The following AGBL4 variants were observed in gnomAD, a reference collection of about 807,000 sequenced individuals.
AGBL4 encodes the protein cytosolic carboxypeptidase 6.
A neutral mutation model predicts 66.4 loss-of-function variants in AGBL4; 58 were observed. The observed-to-expected ratio is 0.87, with a 90% CI of 0.71 to 1.09. The LOEUF (loss-of-function observed/expected upper bound fraction) is 1.09, where lower values mean the gene tolerates loss of function less well. Ranked by LOEUF, AGBL4 falls within the 50% of genes least tolerant of loss-of-function variation. The pLI is 0.00. For synonymous variants in AGBL4, 234 were observed against 222.9 expected (o/e 1.05, Z -0.44); for missense variants, 579 against 631.0 (o/e 0.92, Z 0.88).
At chr1:49,529,194 A>C (rs1034503001) in intron 3 of AGBL4, among the ~76,000 whole-genome samples, 10 of 152,244 alleles carry the variant, frequency 6.6e-5, no homozygotes, top group South Asian at 4.1e-4. Flanking sequence ...CTGAAATAAG[A>C]CCGTGGTGAT....
intron 4 of AGBL4, among the ~76,000 whole-genome samples, chr1:49,200,064 C>A (rs1647565509): frequency 6.6e-6 from 1 of 152,094 alleles, no homozygotes. Context: ...TTCTGCAGTT[C>A]CTGTGTACTC....
intron 5 of AGBL4, among the ~76,000 whole-genome samples, chr1:49,019,140 G>T (rs1419278490): frequency 6.6e-6 from 1 of 152,184 alleles, no homozygotes; most frequent in African/African-American, 2.4e-5. Flanking sequence ...AGTTCTCTGT[G>T]CCTGAAAGAG....
chr1:49,410,357 A>G (rs1038231745), intron 3 of AGBL4, among the ~76,000 whole-genome samples: 1 of 152,138 alleles, frequency 6.6e-6, no homozygotes, highest in Non-Finnish European at 1.5e-5. Flanking sequence ...AGTTTTAAAA[A>G]CCAACTACTG....
chr1:49,400,037 G>A (rs979888435), intron 3 of AGBL4, among the ~76,000 whole-genome samples: 3 of 151,986 alleles, frequency 2.0e-5, no homozygotes, highest in Non-Finnish European at 4.4e-5. Flanking sequence ...TGAAGCATAG[G>A]TCACCATATA....
At chr1:48,763,887 C>T (rs1557964481) in intron 6 of AGBL4, among the ~76,000 whole-genome samples, 1 of 152,164 alleles carries the variant, frequency 6.6e-6, no homozygotes. Flanking sequence ...TGAACAGGGT[C>T]CCCATCCTGG....
chr1:48,728,547 G>C (rs1467297856), intron 6 of AGBL4, among the ~76,000 whole-genome samples: 4 of 148,506 alleles, frequency 2.7e-5, no homozygotes, highest in African/African-American at 5.0e-5. Context: ...TACATTTGTA[G>C]GTCATTCATT....
chr1:49,782,211 A>T (rs554803316), intron 2 of AGBL4, among the ~76,000 whole-genome samples: 1 of 152,124 alleles, frequency 6.6e-6, no homozygotes, highest in South Asian at 2.1e-4. Context: ...AAAAACCAAA[A>T]ACTTTAGCTA....
At chr1:48,917,575 C>G (rs1653696480) in intron 5 of AGBL4, among the ~76,000 whole-genome samples, 1 of 152,184 alleles carries the variant, frequency 6.6e-6, no homozygotes, top group Admixed American at 6.5e-5. Flanking sequence ...TAAAAGAACA[C>G]TGTCTCAAAA....
chr1:49,666,033 G>T (rs905700092), intron 3 of AGBL4, among the ~76,000 whole-genome samples: 32 of 147,392 alleles, frequency 2.2e-4, no homozygotes, highest in Non-Finnish European at 4.2e-4. Context: ...TTGCTATGTT[G>T]CCCAGGCTGA....
At chr1:48,889,756 C>G (rs1054075229) in intron 5 of AGBL4, among the ~76,000 whole-genome samples, 2 of 152,198 alleles carry the variant, frequency 1.3e-5, no homozygotes, top group Admixed American at 1.3e-4. Flanking sequence ...AGGGCAAGGA[C>G]TCAAATCTAG....
At chr1:50,009,138 C>A in intron 1 of AGBL4, among the ~76,000 whole-genome samples, 1 of 152,094 alleles carries the variant, frequency 6.6e-6, no homozygotes, top group African/African-American at 2.4e-5. Context: ...TAAACTAATT[C>A]TATGAGGCCA....
chr1:48,999,530 G>A (rs1046175545), intron 5 of AGBL4, among the ~76,000 whole-genome samples: 2 of 152,174 alleles, frequency 1.3e-5, no homozygotes, highest in African/African-American at 4.8e-5. Context: ...ACATCCAGAA[G>A]TGAAAGGAAT....
intron 3 of AGBL4, among the ~76,000 whole-genome samples, chr1:49,396,943 G>C (rs1241118849): frequency 1.3e-5 from 2 of 152,146 alleles, no homozygotes; most frequent in Non-Finnish European, 2.9e-5. Context: ...TTTTTCCGCA[G>C]ACAGTGGGGT....
chr1:49,315,040 G>C (rs1477983710), intron 3 of AGBL4, among the ~76,000 whole-genome samples: 2 of 151,912 alleles, frequency 1.3e-5, no homozygotes, highest in Non-Finnish European at 2.9e-5. Context: ...AACCAGCATG[G>C]TACTGGTACC....
At chr1:48,781,258 G>A (rs868797435) in intron 6 of AGBL4, among the ~76,000 whole-genome samples, 3 of 152,286 alleles carry the variant, frequency 2.0e-5, no homozygotes, top group African/African-American at 4.8e-5. Flanking sequence ...CCACAGAATC[G>A]ATTCTGGAGT....
chr1:49,303,929 T>C (rs1348165436), intron 3 of AGBL4, among the ~76,000 whole-genome samples: 2 of 152,212 alleles, frequency 1.3e-5, no homozygotes, highest in African/African-American at 4.8e-5. Flanking sequence ...ATTCTGTAGG[T>C]TGCCTGTTCA....
chr1:48,692,272 A>G (rs751943688), intron 6 of AGBL4, among the ~76,000 whole-genome samples: 1 of 152,152 alleles, frequency 6.6e-6, no homozygotes, highest in East Asian at 1.9e-4. Flanking sequence ...ATGAAGCAAA[A>G]TCTAGCCAGG....
At chr1:48,614,445 T>C (rs1471050420) in intron 9 of AGBL4, among the ~76,000 whole-genome samples, 1 of 152,210 alleles carries the variant, frequency 6.6e-6, no homozygotes, top group East Asian at 1.9e-4. Flanking sequence ...CTAACTTGAA[T>C]AGGACCCAGT....
intron 1 of AGBL4, among the ~76,000 whole-genome samples, chr1:49,981,879 C>A (rs936248184): frequency 1.3e-5 from 2 of 152,206 alleles, no homozygotes; most frequent in Non-Finnish European, 2.9e-5. Context: ...GAAGGATTTT[C>A]TTCCTCTATG....
Sources: allele counts gnomAD v4.1 joint callset (sites outside exome capture counted in the v4.1 genomes callset), GRCh38; gene constraint gnomAD v4.1.1; transcripts MANE v1.5; gene names NCBI Gene and HGNC (gene_info 2026-07-23, HGNC 2026-07-21).